ERG: variants seen among roughly 807,000 people sequenced by gnomAD.
The protein encoded by ERG is ETS transcription factor ERG.
In ERG, 9 loss-of-function variants were observed where a neutral mutation model predicts 55.3. The ratio of observed to expected loss-of-function variants is 0.16; its 90% confidence interval spans 0.10 to 0.28. The LOEUF (loss-of-function observed/expected upper bound fraction) is 0.28. ERG is among the 10% of genes least tolerant of loss of function. The probability of loss-of-function intolerance (pLI) is 1.00; values close to 1 mark genes in which losing one functional copy is unlikely to be tolerated. For missense variants in ERG, 434 were observed against 631.6 expected (o/e 0.69, Z 3.35); for synonymous variants, 223 against 237.3 (o/e 0.94, Z 0.55).
intron 1 of ERG, among the ~76,000 whole-genome samples, chr21:38,459,606 G>A (rs931563089): frequency 2.0e-5 from 3 of 152,138 alleles, no homozygotes; most frequent in African/African-American, 7.2e-5. Flanking sequence ...ACAGCCCAGG[G>A]GTGTGGGACT....
intron 1 of ERG, among the ~76,000 whole-genome samples, chr21:38,458,659 G>C (rs1382017818): frequency 6.6e-6 from 1 of 152,184 alleles, no homozygotes; most frequent in Admixed American, 6.5e-5. Flanking sequence ...ACTCACGTCA[G>C]TGTCTCTAAC....
chr21:38,579,597 G>T (rs1479382226), intron 1 of ERG, among the ~76,000 whole-genome samples: 1 of 152,122 alleles, frequency 6.6e-6, no homozygotes, highest in African/African-American at 2.4e-5. Flanking sequence ...ATGAAGCAGG[G>T]AACCTAAGTT....
intron 2 of ERG, among the ~76,000 whole-genome samples, chr21:38,507,629 G>T (rs1158819470): frequency 6.6e-6 from 1 of 152,158 alleles, no homozygotes; most frequent in Non-Finnish European, 1.5e-5. Context: ...TAGTCCAGGA[G>T]AGCCCTTCAA....
At chr21:38,469,572 T>C (rs2059122467) in intron 1 of ERG, among the ~76,000 whole-genome samples, 1 of 152,252 alleles carries the variant, frequency 6.6e-6, no homozygotes, top group Non-Finnish European at 1.5e-5. Context: ...CTATTCTCCT[T>C]CTTTCCTTTC....
chr21:38,392,479 C>G (rs117647402), intron 6 of ERG, 35 bp from the exon 7 acceptor site: 17,012 of 1,375,312 alleles, frequency 0.012, 131 homozygotes, highest in Middle Eastern at 0.02. Context: ...AAAGATCAAT[C>G]ATGTAATTTT....
intron 2 of ERG, among the ~76,000 whole-genome samples, chr21:38,442,312 T>A (rs760259993): frequency 2.0e-5 from 3 of 151,676 alleles, no homozygotes. Context: ...GGGAGTCGCT[T>A]GAACCCCGGG....
chr21:38,460,664 T>C lies in ERG; in HGVS notation c.19-15043A>G, dbSNP rs543683048. On this transcript the variant is annotated intron_variant, in intron 1 of 9. Transcript: ENST00000288319. The surrounding 1 kb of genome is among the most constrained non-coding windows in gnomAD (Gnocchi z 5.0). ...GAAAGGCTTTGACTCACACAGGAAA[T>C]ACCTCACTGAGGCTCCCACCCACCC... Among the ~76,000 whole-genome samples the C allele has an allele frequency of 6.1e-4, 93 of 152,154 alleles. No individual in the cohort carries two copies. Among genetic ancestry groups the C allele is most frequent in the Non-Finnish European group, 1.3e-3 (87 of 68,028 alleles).
intron 1 of ERG, among the ~76,000 whole-genome samples, chr21:38,477,202 C>G (rs1010389235): frequency 6.6e-6 from 1 of 151,954 alleles, no homozygotes; most frequent in Non-Finnish European, 1.5e-5. Context: ...TTTGTAGAGA[C>G]AAGGTTTCAC....
chr21:38,650,399 G>C (rs1378560436), intron 1 of ERG, among the ~76,000 whole-genome samples: 2 of 151,880 alleles, frequency 1.3e-5, no homozygotes, highest in South Asian at 4.2e-4. Context: ...ACTTTGGGAG[G>C]CTGAGGCAGG....
In ERG at chr21:38,582,893, C is replaced by T. The variant is rs372039362; in HGVS notation, c.-127+1951G>A. Among the ~76,000 whole-genome samples the T allele has an allele frequency of 2.6e-3, 389 of 152,218 alleles. 2 individuals are homozygous for T. Among genetic ancestry groups the T allele is most frequent in the African/African-American group, 8.8e-3 (366 of 41,562 alleles). On this transcript the variant is annotated intron_variant, in intron 1 of 8. Transcript: ENST00000398897. ...TCCCGAGCAGCTGGGATTACAGGCA[C>T]GTGCTACCATGGCTGGCTAATTAAA... is the stretch of plus-strand genomic sequence containing the variant.
At chr21:38,369,071 G>A in the ERG span, among the ~76,000 whole-genome samples, 1 of 152,136 alleles carries the variant, frequency 6.6e-6, no homozygotes, top group African/African-American at 2.4e-5. Context: ...GTGCTGCAGA[G>A]AACACTGAGG....
In ERG at chr21:38,383,359, G is replaced by A; in HGVS notation, c.*44C>T. 1 of 1,452,196 alleles carries A rather than the reference G, an allele frequency of 6.9e-7. No individual in the cohort carries two copies. The highest frequency in any genetic ancestry group is 1.4e-5 in the African/African-American group (1 of 71,094). The allele number at this position is 1,452,196 out of a possible 1,614,324, so 90.0% of individuals were successfully genotyped here. ...GTTCTCCGATAGAGTTTGTGGCGAT[G>A]GGCTGGTGAATGCACGCTGATGGGA... On this transcript the variant is annotated 3_prime_UTR_variant, in exon 10 of 10. Coordinates refer to ENST00000288319, the MANE Select transcript of ERG (RefSeq NM_182918.4). The surrounding 1 kb of genome is among the most constrained non-coding windows in gnomAD (Gnocchi z 5.7).
chr21:38,552,842 A>AAG (rs769721293), intron 2 of ERG, among the ~76,000 whole-genome samples: 26 of 111,468 alleles, frequency 2.3e-4, no homozygotes, highest in Non-Finnish European at 4.3e-4. Flanking sequence ...GCAATCAAGC[A>AAG]AGAGAAAAAA....
At chr21:38,649,914 C>T (rs148115510) in intron 1 of ERG, among the ~76,000 whole-genome samples, 8 of 152,286 alleles carry the variant, frequency 5.3e-5, no homozygotes, top group Admixed American at 2.0e-4. Flanking sequence ...ATGCTAGACG[C>T]GAGAACACAC....
chr21:38,389,681 T>C (rs955187692), intron 9 of ERG, among the ~76,000 whole-genome samples: 4 of 150,740 alleles, frequency 2.7e-5, no homozygotes, highest in Non-Finnish European at 4.4e-5. Flanking sequence ...TGGCTCTGTG[T>C]TTGGGACAAT....
chr21:38,646,378 G>A (rs1306032583), intron 1 of ERG, among the ~76,000 whole-genome samples: 3 of 151,996 alleles, frequency 2.0e-5, no homozygotes, highest in African/African-American at 7.3e-5. Context: ...AGAAGACAGG[G>A]CATTGCCATA....
intron 2 of ERG, among the ~76,000 whole-genome samples, chr21:38,425,549 T>C (rs1188294266): frequency 6.6e-6 from 1 of 152,138 alleles, no homozygotes; most frequent in Non-Finnish European, 1.5e-5. Context: ...TGAGAAGTAT[T>C]AATATTTAGG....
chr21:38,496,357 T>C (rs969360389), intron 1 of ERG, among the ~76,000 whole-genome samples: 2 of 152,180 alleles, frequency 1.3e-5, no homozygotes, highest in African/African-American at 4.8e-5. Context: ...CTAATTCCAG[T>C]GGACAGCCAT....
At chr21:38,403,372 G>T in intron 4 of ERG, 134 bp downstream of exon 4, 2 of 801,114 alleles carry the variant, frequency 2.5e-6, no homozygotes, top group Non-Finnish European at 4.2e-6. Context: ...CAAGCATGTG[G>T]CTCCCTCGGA....
Sources: allele counts gnomAD v4.1 joint callset (sites outside exome capture counted in the v4.1 genomes callset), GRCh38; gene constraint gnomAD v4.1.1; non-coding constraint Gnocchi (gnomAD v3.1); transcripts MANE v1.5; gene names NCBI Gene and HGNC (gene_info 2026-07-23, HGNC 2026-07-21).